Variants in ASCC3 observed in about 807,000 individuals in gnomAD.
ASCC3 encodes the protein ASC-1 complex subunit P200.
In ASCC3, 158 loss-of-function variants were observed where a neutral mutation model predicts 256.3. The ratio of observed to expected loss-of-function variants is 0.62; its 90% CI spans 0.54 to 0.70. ASCC3 has a LOEUF of 0.70. Among genes scored for constraint, ASCC3 ranks in the 30% least tolerant of loss-of-function variants. The pLI is 0.00. For missense variants in ASCC3, 2,259 were observed against 2,626.0 expected (o/e 0.86, Z 3.05); for synonymous variants, 948 against 883.4 (o/e 1.07, Z -1.30).
At chr6:100,601,520 G>A (rs1412508707) in intron 34 of ASCC3, among the ~76,000 whole-genome samples, 1 of 152,000 alleles carries the variant, frequency 6.6e-6, no homozygotes, top group Non-Finnish European at 1.5e-5. Flanking sequence ...CTATCATGTA[G>A]TTTAGCACAT....
intron 8 of ASCC3, among the ~76,000 whole-genome samples, chr6:100,791,985 A>C (rs1769370164): frequency 6.6e-6 from 1 of 151,928 alleles, no homozygotes; most frequent in Non-Finnish European, 1.5e-5. Flanking sequence ...TTGGGTTCTG[A>C]ATAGCATCAT....
At chr6:100,600,466 T>C (rs549552044) in intron 34 of ASCC3, among the ~76,000 whole-genome samples, 19 of 152,236 alleles carry the variant, frequency 1.2e-4, no homozygotes, top group Admixed American at 1.2e-3. Context: ...CTCACTAATT[T>C]TGCAGCTATG....
chr6:100,799,379 T>G (rs1303721078), intron 7 of ASCC3, 52 bp downstream of exon 7: 1 of 1,592,434 alleles, frequency 6.3e-7, no homozygotes, highest in Non-Finnish European at 8.6e-7. Context: ...CCACACATCA[T>G]TTCTTTAGAA....
rs1030030209 is a variant in ASCC3, at chr6:100,745,525, A to T, written c.1738-19822T>A. On this transcript the variant is annotated intron_variant, in intron 10 of 41. Transcript: ENST00000369162. The stretch of plus-strand genomic sequence containing the variant: ...TAACCAAAAAAAAAAAACAAAAAAC[A>T]ACAACAAGAAAATGTGATGCATGCA... Among the ~76,000 whole-genome samples, 6 of 151,660 alleles carry T rather than the reference A, an allele frequency of 4.0e-5. No individual in the cohort carries two copies. The East Asian group carries it at 5.8e-4, about 15-fold the overall frequency.
intron 36 of ASCC3, among the ~76,000 whole-genome samples, chr6:100,542,678 CA>C (rs1340196903): frequency 1.1e-4 from 15 of 140,792 alleles, no homozygotes; most frequent in Admixed American, 1.4e-4. Context: ...AAGACTCCGT[CA>C]AAAAAAAAAT....
intron 13 of ASCC3, among the ~76,000 whole-genome samples, chr6:100,699,134 A>C (rs115802936): frequency 0.014 from 2,175 of 152,300 alleles, 42 homozygotes; most frequent in African/African-American, 0.05. Context: ...ATGTTTGCAC[A>C]ACGAAATAAT....
chr6:100,512,152 T>C (rs1773795077), intron 40 of ASCC3, among the ~76,000 whole-genome samples: 1 of 152,198 alleles, frequency 6.6e-6, no homozygotes, highest in South Asian at 2.1e-4. Flanking sequence ...CTATGCATTA[T>C]AATGAAGGAC....
rs146250565 is a variant in ASCC3, at chr6:100,517,282, G to A, written c.5927+709C>T. Among the ~76,000 whole-genome samples the A allele has an allele frequency of 7.9e-4, 120 of 152,240 alleles. 1 individual carries two copies. In the East Asian group the frequency reaches 0.019, roughly 24 times the overall value. On this transcript the variant is annotated intron_variant, in intron 38 of 41. Transcript: ENST00000369162. The stretch of plus-strand genomic sequence containing the variant: ...CTGCCACCCCTCATCCAGATGAACA[G>A]GAGTAGGGAGTGCATGACGGCAAGC...
At chr6:100,794,585 C>T (rs1582874206) in intron 8 of ASCC3, among the ~76,000 whole-genome samples, 1 of 152,054 alleles carries the variant, frequency 6.6e-6, no homozygotes, top group Non-Finnish European at 1.5e-5. Flanking sequence ...CATTGAGTAA[C>T]TTAAGATCAG....
intron 30 of ASCC3, among the ~76,000 whole-genome samples, chr6:100,616,233 C>A (rs185025882): frequency 2.6e-5 from 4 of 152,118 alleles, no homozygotes; most frequent in Non-Finnish European, 5.9e-5. Flanking sequence ...TATAGTTCAT[C>A]TCTGTAGGTC....
At chr6:100,526,218 C>G (rs1252096895) in intron 37 of ASCC3, among the ~76,000 whole-genome samples, 1 of 152,158 alleles carries the variant, frequency 6.6e-6, no homozygotes, top group Non-Finnish European at 1.5e-5. Flanking sequence ...AGTGTGCTAG[C>G]AAGCCTACAA....
rs373500478 is a variant in ASCC3, at chr6:100,652,864, C to T, written c.2849G>A (p.Arg950Gln). Reference sequence around the variant, plus strand: ...TCCAACTTCAATGACCAACTGTTCTCGATGCTTTCTTAATGTTGGGTCAAT... The same window carrying T: ...TCCAACTTCAATGACCAACTGTTCTTGATGCTTTCTTAATGTTGGGTCAAT... The part of the protein sequence containing the change: ...YQIDPTLRKH[R>Q]EQLVIEVGRK... The change falls in exon 18 of 42, where the codon CGA (arginine) becomes CAA (glutamine). Residue 950 changes from arginine (R) to glutamine (Q), a missense_variant. By Grantham distance (43) the Arg-to-Gln change is conservative. Around this residue, in one of 2 missense-constraint regions of ASCC3, gnomAD observed 1,839 missense variants for 2,206.7 expected, o/e 0.83. Coordinates refer to ENST00000369162, the MANE Select transcript of ASCC3 (RefSeq NM_006828.4). The T allele has an allele frequency of 3.7e-5, 59 of 1,613,646 alleles. No individual in the cohort carries two copies. Among genetic ancestry groups the T allele is most frequent in the African/African-American group, 6.7e-5 (5 of 74,838 alleles).
At chr6:100,807,848 A>G (rs1454000486) in intron 4 of ASCC3, among the ~76,000 whole-genome samples, 2 of 151,934 alleles carry the variant, frequency 1.3e-5, no homozygotes, top group South Asian at 2.1e-4. Context: ...AATGTTATGT[A>G]TAAAAGTATT....
chr6:100,763,222 AACAG>A (rs1373396715), intron 10 of ASCC3, among the ~76,000 whole-genome samples: 1 of 152,194 alleles, frequency 6.6e-6, no homozygotes, highest in Non-Finnish European at 1.5e-5. Context: ...AGGGTAGAAG[AACAG>A]GGTAAAAAGA....
At chr6:100,767,607 G>T (rs73504960) in intron 8 of ASCC3, among the ~76,000 whole-genome samples, 1,968 of 13,202 alleles carry the variant, frequency 0.15, 45 homozygotes, top group African/African-American at 0.18. Flanking sequence ...ACACTTTTTG[G>T]TTTTTTTGGT....
intron 10 of ASCC3, among the ~76,000 whole-genome samples, chr6:100,757,461 T>TAAATCTAA (rs1781233421): frequency 6.7e-6 from 1 of 149,028 alleles, no homozygotes; most frequent in Non-Finnish European, 1.5e-5. Flanking sequence ...CAGAGAGACT[T>TAAATCTAA]AAGACTTAAA....
At chr6:100,813,153 G>A (rs1260753314) in intron 4 of ASCC3, among the ~76,000 whole-genome samples, 4 of 151,936 alleles carry the variant, frequency 2.6e-5, no homozygotes, top group African/African-American at 9.7e-5. Flanking sequence ...CATCCAGGAA[G>A]CTTAACAAAT....
At chr6:100,816,518 C>G (rs926345106) in intron 4 of ASCC3, among the ~76,000 whole-genome samples, 1 of 152,108 alleles carries the variant, frequency 6.6e-6, no homozygotes, top group African/African-American at 2.4e-5. Context: ...TAAATCCCAT[C>G]ATTGGTAGAC....
intron 13 of ASCC3, among the ~76,000 whole-genome samples, chr6:100,706,559 A>G (rs577349315): frequency 2.6e-5 from 4 of 151,940 alleles, no homozygotes; most frequent in Non-Finnish European, 5.9e-5. Flanking sequence ...AAGGGTTGCC[A>G]ACTTTATTGA....
Sources: allele counts gnomAD v4.1 joint callset (sites outside exome capture counted in the v4.1 genomes callset), GRCh38; gene constraint gnomAD v4.1.1; regional missense constraint gnomAD v4.1.1; transcripts MANE v1.5; gene names NCBI Gene and HGNC (gene_info 2026-07-23, HGNC 2026-07-21).